FOXP1: variants seen among roughly 807,000 people sequenced by gnomAD.
FOXP1 encodes forkhead box P1.
FOXP1 carries 15 observed loss-of-function variants against 98.2 expected under a neutral mutation model. The ratio of observed to expected loss-of-function variants is 0.15; its 90% CI spans 0.10 to 0.24. FOXP1 has a LOEUF of 0.24. Among genes scored for constraint, FOXP1 ranks in the 10% least tolerant of loss-of-function variants. The pLI, the probability that FOXP1 is intolerant of heterozygous loss-of-function variation, is 1.00. For missense variants in FOXP1, 633 were observed against 848.5 expected (o/e 0.75, Z 3.15); for synonymous variants, 371 against 314.5 (o/e 1.18, Z -1.90).
chr3:71,520,208 C>T (rs561993223), intron 2 of FOXP1, among the ~76,000 whole-genome samples: 24 of 152,300 alleles, frequency 1.6e-4, no homozygotes, highest in African/African-American at 5.8e-4. Context: ...ATAAATGAAC[C>T]ACTCATAGAC....
chr3:71,010,263 A>C (rs1219741591), intron 12 of FOXP1, among the ~76,000 whole-genome samples: 1 of 152,120 alleles, frequency 6.6e-6, no homozygotes, highest in Non-Finnish European at 1.5e-5. Context: ...GCCTCTAACC[A>C]GGCTGTATAA....
At chr3:70,999,610 T>C (rs1014138925) in intron 13 of FOXP1, among the ~76,000 whole-genome samples, 23 of 152,216 alleles carry the variant, frequency 1.5e-4, no homozygotes, top group Non-Finnish European at 2.4e-4. Context: ...AAATATTAAC[T>C]GGCTAACAAA....
intron 2 of FOXP1, among the ~76,000 whole-genome samples, chr3:71,546,061 G>T (rs930339396): frequency 5.9e-5 from 9 of 152,158 alleles, no homozygotes; most frequent in African/African-American, 2.2e-4. Flanking sequence ...TTGTTCCATG[G>T]AGTATGTGTG....
intron 11 of FOXP1, among the ~76,000 whole-genome samples, chr3:71,037,463 C>T (rs9859407): frequency 1.3e-5 from 2 of 151,862 alleles, no homozygotes; most frequent in Non-Finnish European, 2.9e-5. Flanking sequence ...TCATATGTAC[C>T]GGTATCCCAG....
chr3:71,290,658 G>T (rs1396711640), intron 5 of FOXP1, among the ~76,000 whole-genome samples: 1 of 152,152 alleles, frequency 6.6e-6, no homozygotes, highest in African/African-American at 2.4e-5. Context: ...GCCCTACTCA[G>T]TCTGGCCCTG....
intron 2 of FOXP1, among the ~76,000 whole-genome samples, chr3:71,547,810 T>C (rs1056433394): frequency 6.6e-5 from 10 of 152,190 alleles, no homozygotes; most frequent in African/African-American, 2.2e-4. Flanking sequence ...TTCAATCCTT[T>C]GGTGGTCATC....
intron 20 of FOXP1, among the ~76,000 whole-genome samples, chr3:70,959,899 A>G (rs1473782807): frequency 3.3e-5 from 5 of 152,212 alleles, no homozygotes; most frequent in Non-Finnish European, 5.9e-5. Context: ...ACTGAGTACC[A>G]GATAACAGGT....
chr3:71,218,756 C>T lies in FOXP1; in HGVS notation c.-11-20364G>A, dbSNP rs534534462. On this transcript the variant is annotated intron_variant, in intron 5 of 20. Transcript: ENST00000649528. Reference sequence around the variant, plus strand: ...ACTTTATTTACAAAACAGGCGACAGCTGGATTCAGCGCATAGAACTGTAGT... The same window carrying T: ...ACTTTATTTACAAAACAGGCGACAGTTGGATTCAGCGCATAGAACTGTAGT... 2.0e-5 allele frequency among the ~76,000 whole-genome samples: 3 copies of T among 152,352 alleles called. No individual in the cohort carries two copies. In the South Asian group the frequency reaches 6.2e-4, roughly 32 times the overall value.
At chr3:71,204,383 T>G in intron 5 of FOXP1, among the ~76,000 whole-genome samples, 1 of 152,192 alleles carries the variant, frequency 6.6e-6, no homozygotes, top group Non-Finnish European at 1.5e-5. Context: ...TTTCCCCTAG[T>G]AGGCAAACGG....
Position 71,337,199 on chromosome 3 carries a change from T to G in FOXP1, c.-73+21951A>C, listed in dbSNP as rs796097867. On this transcript the variant is annotated intron_variant, in intron 4 of 20. Transcript: ENST00000649528. ...ACAGGACACAGGAGAAACTTCAAGGTGGCTAAGTTCAATTTCTTGATTTGG... is the reference window on the plus strand; with the variant it reads ...ACAGGACACAGGAGAAACTTCAAGGGGGCTAAGTTCAATTTCTTGATTTGG... Among the ~76,000 whole-genome samples the G allele has an allele frequency of 1.6e-4, 24 of 152,310 alleles. 2 individuals carry two copies. Among genetic ancestry groups the G allele is most frequent in the African/African-American group, 5.8e-4 (24 of 41,570 alleles).
At chr3:71,314,359 C>T (rs146943769) in intron 4 of FOXP1, among the ~76,000 whole-genome samples, 102 of 152,086 alleles carry the variant, frequency 6.7e-4, no homozygotes, top group African/African-American at 2.3e-3. Context: ...TGAAACCCAT[C>T]TCTACTAAAA....
At chr3:71,263,107 A>G (rs1490600402) in intron 5 of FOXP1, among the ~76,000 whole-genome samples, 1 of 152,008 alleles carries the variant, frequency 6.6e-6, no homozygotes, top group Non-Finnish European at 1.5e-5. Flanking sequence ...TGTTTTTCCA[A>G]CCCCTGCCCT....
intron 6 of FOXP1, among the ~76,000 whole-genome samples, chr3:71,177,048 G>A (rs984841260): frequency 5.9e-5 from 9 of 152,296 alleles, no homozygotes; most frequent in African/African-American, 1.9e-4. Context: ...GGGCAACAGA[G>A]CAAGGCTTGT....
chr3:71,199,439 A>G (rs2063515489), intron 5 of FOXP1, among the ~76,000 whole-genome samples: 1 of 151,852 alleles, frequency 6.6e-6, no homozygotes, highest in South Asian at 2.1e-4. Context: ...GAAAAAATAT[A>G]TATAGGCCTG....
chr3:71,092,919 A>G (rs925217779), intron 7 of FOXP1, among the ~76,000 whole-genome samples: 1 of 152,172 alleles, frequency 6.6e-6, no homozygotes, highest in African/African-American at 2.4e-5. Flanking sequence ...ATTAAAAGAG[A>G]TTAGTTCTTG....
At chr3:71,145,430 G>C (rs1340718539) in intron 6 of FOXP1, among the ~76,000 whole-genome samples, 4 of 152,052 alleles carry the variant, frequency 2.6e-5, no homozygotes, top group African/African-American at 9.7e-5. Flanking sequence ...CCAGCTACTA[G>C]GGAGGCTGAG....
intron 3 of FOXP1, among the ~76,000 whole-genome samples, chr3:71,388,315 C>T (rs188644243): frequency 3.3e-4 from 50 of 152,288 alleles, no homozygotes; most frequent in Non-Finnish European, 5.9e-4. Context: ...AATTGTCTTA[C>T]CTAGCAGTGA....
intron 4 of FOXP1, among the ~76,000 whole-genome samples, chr3:71,342,787 T>C (rs1164024409): frequency 2.0e-5 from 3 of 151,948 alleles, no homozygotes; most frequent in Admixed American, 1.3e-4. Flanking sequence ...GTTGCAAAAA[T>C]AGTACAATAC....
chr3:71,467,798 T>C lies in FOXP1; in HGVS notation c.-168+25628A>G, dbSNP rs542544243. On this transcript the variant is annotated intron_variant, in intron 3 of 20. Transcript: ENST00000649528. ...ACAAAGATCGTTGGATCTCCCTCTT[T>C]GAGTTTCTGATTCAGGAGGTCTGGA... is the stretch of plus-strand genomic sequence containing the variant. Among the ~76,000 whole-genome samples the C allele has an allele frequency of 6.6e-5, 10 of 152,316 alleles. No individual in the cohort carries two copies. In the South Asian group the frequency reaches 1.9e-3, roughly 28 times the overall value.
Sources: gnomAD v4.1 joint callset for allele counts (sites outside exome capture counted in the v4.1 genomes callset) on GRCh38, gnomAD v4.1.1 for gene constraint, MANE v1.5 for transcripts, NCBI Gene and HGNC (gene_info 2026-07-23, HGNC 2026-07-21) for gene names.